Variants in USP34 observed in about 807,000 individuals in gnomAD.
USP34 encodes ubiquitin carboxyl-terminal hydrolase 34.
In USP34, 70 loss-of-function variants were observed where a neutral mutation model predicts 460.3. The observed-to-expected ratio is 0.15, with a 90% CI of 0.13 to 0.19. The LOEUF is 0.19. USP34 is among the 10% of genes least tolerant of loss of function. The probability of loss-of-function intolerance (pLI) is 1.00; values close to 1 mark genes in which losing one functional copy is unlikely to be tolerated. For missense variants in USP34, 3,985 were observed against 4,236.2 expected (o/e 0.94, Z 1.65); for synonymous variants, 1,647 against 1,405.3 (o/e 1.17, Z -3.85).
intron 65 of USP34, among the ~76,000 whole-genome samples, chr2:61,222,357 C>G (rs1437250553): frequency 6.6e-6 from 1 of 152,210 alleles, no homozygotes; most frequent in East Asian, 1.9e-4. Context: ...TGTTCCCAAT[C>G]AAACAACTTT....
intron 27 of USP34, among the ~76,000 whole-genome samples, chr2:61,303,148 C>T (rs1333874869): frequency 6.6e-6 from 1 of 151,464 alleles, no homozygotes; most frequent in Non-Finnish European, 1.5e-5. Context: ...CTCACTGCAA[C>T]CTCCGCCTCC....
chr2:61,280,054 A>C (rs1469247116), intron 39 of USP34, among the ~76,000 whole-genome samples, 190 bp downstream of exon 39: 1 of 152,236 alleles, frequency 6.6e-6, no homozygotes, highest in Non-Finnish European at 1.5e-5. Context: ...GTTTCAACTA[A>C]GGTCTGAGTA....
intron 1 of USP34, among the ~76,000 whole-genome samples, chr2:61,460,411 A>G (rs1228710293): frequency 6.6e-6 from 1 of 152,206 alleles, no homozygotes; most frequent in African/African-American, 2.4e-5. Flanking sequence ...GGCACTACAC[A>G]ATGCTTGTAT....
Position 61,203,230 on chromosome 2 carries a change from C to G in USP34, c.9418G>C (p.Asp3140His). 1 of 1,594,414 alleles carries G rather than the reference C, an allele frequency of 6.3e-7. No individual in the cohort carries two copies. Among genetic ancestry groups the G allele is most frequent in the Non-Finnish European group, 8.5e-7 (1 of 1,170,286 alleles). The change falls in exon 75 of 80, where the codon GAC becomes CAC. Residue 3140 changes from aspartate to histidine, a missense_variant. Transcript: ENST00000398571. Reference protein sequence around the residue: ...KDDVYDRMLLDYFFSYHQFIH... With the variant: ...KDDVYDRMLLHYFFSYHQFIH... ...AACTGATGATAAGAAAAGAAGTAGT[C>G]TAGCAGCATACGATCATAAACGTCA... is the stretch of plus-strand genomic sequence containing the variant.
chr2:61,203,046 A>G (rs988090140), intron 75 of USP34, 94 bp downstream of exon 75: 1 of 1,305,564 alleles, frequency 7.7e-7, no homozygotes, highest in Non-Finnish European at 1.0e-6. Flanking sequence ...TAAAAAAAGA[A>G]AAAAAGGATT....
At position 61,190,051 on chromosome 2, in the gene USP34, A is replaced by G. The variant is rs143998895; in HGVS notation, c.9873+220T>C. 1.2e-4 allele frequency: 54 copies of G among 448,686 alleles called. No individual in the cohort carries two copies. The East Asian group carries it at 1.9e-3, about 16-fold the overall frequency. 27.8% of individuals were successfully genotyped at this position (448,686 alleles called of 1,614,324 possible). A position where few individuals can be genotyped will look rare whatever the true frequency, so the allele number is the denominator to read the frequency against. Reference sequence around the variant, plus strand: ...TAAGATGTTCCCTTTATTACCTTTCAGCATTTAATGATACCAGCTTGTAGC... The same window carrying G: ...TAAGATGTTCCCTTTATTACCTTTCGGCATTTAATGATACCAGCTTGTAGC... On this transcript the variant is annotated intron_variant, in intron 78 of 79. Transcript: ENST00000398571.
intron 10 of USP34, among the ~76,000 whole-genome samples, chr2:61,366,502 C>G (rs1036153550): frequency 6.6e-6 from 1 of 152,146 alleles, no homozygotes; most frequent in African/African-American, 2.4e-5. Context: ...AGAGATCTTC[C>G]CTGGGGGAGA....
chr2:61,408,365 T>C (rs1693943034), intron 2 of USP34, among the ~76,000 whole-genome samples: 1 of 152,122 alleles, frequency 6.6e-6, no homozygotes, highest in Non-Finnish European at 1.5e-5. Context: ...ATAGTACTAC[T>C]TTTGGAGTAT....
At chr2:61,296,454 C>T (rs751540438) in intron 30 of USP34, among the ~76,000 whole-genome samples, 2 of 152,130 alleles carry the variant, frequency 1.3e-5, no homozygotes, top group Non-Finnish European at 2.9e-5. Flanking sequence ...TGATGCACAT[C>T]ATTTCACCTC....
At position 61,370,340 on chromosome 2, in the gene USP34, C is replaced by A. The variant is rs1692581627; in HGVS notation, c.1232G>T (p.Cys411Phe). The change falls in exon 10 of 80, where the codon TGT (cysteine) becomes TTT (phenylalanine). Residue 411 changes from cysteine to phenylalanine, a missense_variant. Transcript: ENST00000398571. ...EGRLSTQHID[C>F]IWAAAQLKHC... ...TATTACCTGTGCTGCAGCCCAAATACAGTCAATATGTTGAGTACTCAGTCG... is the reference window on the plus strand; with the variant it reads ...TATTACCTGTGCTGCAGCCCAAATAAAGTCAATATGTTGAGTACTCAGTCG... 11 of 1,613,934 alleles carry A rather than the reference C, an allele frequency of 6.8e-6. No individual in the cohort carries two copies. Among genetic ancestry groups the A allele is most frequent in the African/African-American group, 1.3e-5 (1 of 74,924 alleles).
intron 57 of USP34, among the ~76,000 whole-genome samples, chr2:61,234,054 T>G (rs750240452): frequency 6.6e-6 from 1 of 152,150 alleles, no homozygotes; most frequent in Non-Finnish European, 1.5e-5. Flanking sequence ...GAAAGAAAGA[T>G]TATTATTATT....
At chr2:61,398,888 A>T (rs1168450630) in intron 3 of USP34, among the ~76,000 whole-genome samples, 1 of 152,196 alleles carries the variant, frequency 6.6e-6, no homozygotes, top group Non-Finnish European at 1.5e-5. Context: ...GGCTATGACA[A>T]CCGGGGCCAG....
intron 10 of USP34, among the ~76,000 whole-genome samples, chr2:61,353,583 T>C (rs1473940807): frequency 1.3e-5 from 2 of 151,362 alleles, no homozygotes; most frequent in African/African-American, 2.4e-5. Flanking sequence ...TTGTTTTTTT[T>C]GTTTAGTTGG....
intron 20 of USP34, among the ~76,000 whole-genome samples, chr2:61,330,660 A>G (rs1691232126): frequency 6.6e-6 from 1 of 152,166 alleles, no homozygotes; most frequent in Non-Finnish European, 1.5e-5. Context: ...CATAACAATC[A>G]GCTCACCAGC....
intron 21 of USP34, among the ~76,000 whole-genome samples, chr2:61,323,322 T>A (rs1394569968): frequency 6.6e-6 from 1 of 151,940 alleles, no homozygotes; most frequent in Non-Finnish European, 1.5e-5. Flanking sequence ...CCATCCTGGC[T>A]AACACGGTGA....
intron 1 of USP34, among the ~76,000 whole-genome samples, chr2:61,468,885 T>C (rs966407709): frequency 1.3e-5 from 2 of 152,152 alleles, no homozygotes; most frequent in East Asian, 3.8e-4. Context: ...TTTCTTTAGA[T>C]GTTTTGTTTA....
chr2:61,426,812 G>A (rs1694525450), intron 1 of USP34, among the ~76,000 whole-genome samples: 1 of 152,302 alleles, frequency 6.6e-6, no homozygotes, highest in Non-Finnish European at 1.5e-5. Flanking sequence ...GGCCACAGGG[G>A]TGCTTGTGTC....
At chr2:61,385,671 C>CAAAAAAAAAAAAAAAAAAAAA (rs61200102) in intron 5 of USP34, among the ~76,000 whole-genome samples, 2 of 46,002 alleles carry the variant, frequency 4.3e-5, no homozygotes, top group Non-Finnish European at 7.4e-5. Flanking sequence ...GACTCTGTCT[C>CAAAAAAAAAAAAAAAAAAAAA]AAAAAAAAAA....
At chr2:61,429,431 A>G (rs1333229214) in intron 1 of USP34, among the ~76,000 whole-genome samples, 1 of 152,202 alleles carries the variant, frequency 6.6e-6, no homozygotes, top group Non-Finnish European at 1.5e-5. Context: ...TGGGCAACAG[A>G]GCGAGACTCC....
Sources: gnomAD v4.1 joint callset for allele counts (sites outside exome capture counted in the v4.1 genomes callset) on GRCh38, gnomAD v4.1.1 for gene constraint, MANE v1.5 for transcripts, NCBI Gene and HGNC (gene_info 2026-07-23, HGNC 2026-07-21) for gene names.